Variants in PHF2 observed in about 807,000 individuals in gnomAD.
The protein encoded by PHF2 is PHD finger protein 2, also known as lysine-specific demethylase PHF2.
In PHF2, 27 loss-of-function variants were observed where a neutral mutation model predicts 120.5. The observed-to-expected ratio is 0.22, with a 90% CI of 0.17 to 0.31. The LOEUF is 0.31. Ranked by LOEUF, PHF2 falls within the 10% of genes least tolerant of loss-of-function variation. The probability of loss-of-function intolerance (pLI) is 1.00; values close to 1 mark genes in which losing one functional copy is unlikely to be tolerated. For synonymous variants in PHF2, 568 were observed against 592.5 expected (o/e 0.96, Z 0.60); for missense variants, 1,024 against 1,434.8 (o/e 0.71, Z 4.63).
chr9:93,646,236 G>A (rs1159776455), intron 4 of PHF2, among the ~76,000 whole-genome samples: 1 of 152,256 alleles, frequency 6.6e-6, no homozygotes, highest in East Asian at 1.9e-4. Flanking sequence ...CTGGGTTCTA[G>A]CCAGTGCCAT....
At chr9:93,625,139 C>G (rs1321545863) in intron 1 of PHF2, among the ~76,000 whole-genome samples, 3 of 152,202 alleles carry the variant, frequency 2.0e-5, no homozygotes, top group African/African-American at 7.2e-5. Context: ...CCTCTCTCCT[C>G]CCACCCTCTG....
rs990872859 is a variant in PHF2, at chr9:93,665,973, A to G, written c.2117-17A>G. 5 of 1,613,228 alleles carry G rather than the reference A, an allele frequency of 3.1e-6. No individual in the cohort carries two copies. The highest frequency in any genetic ancestry group is 3.3e-5 in the Admixed American group (2 of 60,014). Reference sequence around the variant, plus strand: ...CCGCAAGGCCTCCCGCTGGACTGCCATCTGCTGTGCTTTCAGTCTTGTTGG... The same window carrying G: ...CCGCAAGGCCTCCCGCTGGACTGCCGTCTGCTGTGCTTTCAGTCTTGTTGG... On this transcript the variant is annotated splice_polypyrimidine_tract_variant and intron_variant, in intron 15 of 21. Coordinates refer to ENST00000359246, the MANE Select transcript of PHF2 (RefSeq NM_005392.4).
rs1005320024 is a variant in PHF2 at position 93,666,080 on chromosome 9, C to T, written c.2187+20C>T. On this transcript the variant is annotated intron_variant, in intron 16 of 21. Transcript: ENST00000359246. ...TACAAGGTGAGCTGCCTTACAGGCC[C>T]CCCTCAGTCTCGGGGGGCATCTCTG... The T allele has an allele frequency of 3.1e-6, 5 of 1,607,918 alleles. No individual in the cohort carries two copies. The highest frequency in any genetic ancestry group is 4.3e-6 in the Non-Finnish European group (5 of 1,175,556).
At chr9:93,646,491 A>G (rs1434108992) in intron 4 of PHF2, among the ~76,000 whole-genome samples, 2 of 152,228 alleles carry the variant, frequency 1.3e-5, no homozygotes, top group African/African-American at 4.8e-5. Flanking sequence ...ACGAGGAGGA[A>G]AAACCCTGAA....
chr9:93,667,972 G>T (rs1826713684), intron 17 of PHF2, among the ~76,000 whole-genome samples: 1 of 152,230 alleles, frequency 6.6e-6, no homozygotes, highest in Admixed American at 6.5e-5. Context: ...CCAGGGCCAT[G>T]CTGCTAGCTG....
chr9:93,616,728 T>C (rs566293348), intron 1 of PHF2, among the ~76,000 whole-genome samples: 1 of 151,984 alleles, frequency 6.6e-6, no homozygotes, highest in South Asian at 2.1e-4. Context: ...CAATCTCGGC[T>C]CACCGCAACC....
chr9:93,585,456 C>T (rs776066272), intron 1 of PHF2, among the ~76,000 whole-genome samples: 14 of 152,252 alleles, frequency 9.2e-5, no homozygotes, highest in East Asian at 1.9e-4. Flanking sequence ...CAGTGCCAGC[C>T]GCTCTGTGTG....
Position 93,677,089 on chromosome 9 carries a change from G to A in PHF2, c.3202+126G>A. 2.8e-6 allele frequency: 3 copies of A among 1,057,346 alleles called. No homozygotes were observed. Among genetic ancestry groups the A allele is most frequent in the South Asian group, 3.6e-5 (2 of 54,830 alleles). The allele number at this position is 1,057,346 out of a possible 1,614,324, so 65.5% of individuals were successfully genotyped here. On this transcript the variant is annotated intron_variant, in intron 21 of 21. Transcript: ENST00000359246. The surrounding 1 kb of genome is among the most constrained non-coding windows in gnomAD (Gnocchi z 4.4). ...TTGGGAGGGCTCCTGGGCCTTGGGT[G>A]GCAGGGTGCTGTGGTCCAAGTTGGT...
At chr9:93,670,148 A>G (rs148702893) in intron 17 of PHF2, among the ~76,000 whole-genome samples, 1 of 152,198 alleles carries the variant, frequency 6.6e-6, no homozygotes. Context: ...AGTGATGCTG[A>G]TGCAAGAGTC....
In PHF2 at chr9:93,656,619, G is replaced by C. The variant is rs1004065143; in HGVS notation, c.1147+24G>C. 3 of 1,542,068 alleles carry C rather than the reference G, an allele frequency of 1.9e-6. No individual in the cohort carries two copies. The Admixed American group carries it at 5.0e-5, about 26-fold the overall frequency. On this transcript the variant is annotated intron_variant, in intron 9 of 21. Transcript: ENST00000359246. The surrounding 1 kb of genome is among the most constrained non-coding windows in gnomAD (Gnocchi z 4.1). The stretch of plus-strand genomic sequence containing the variant: ...AGGTACTGGTCACTCCGGGGTGGGC[G>C]TCCAAGCCTGGGGCTCTTGGCTGTG...
At chr9:93,599,169 A>G (rs1407715741) in intron 1 of PHF2, among the ~76,000 whole-genome samples, 2 of 152,194 alleles carry the variant, frequency 1.3e-5, no homozygotes, top group Non-Finnish European at 1.5e-5. Flanking sequence ...GGCCTATTGC[A>G]TGCACCTGCA....
intron 2 of PHF2, among the ~76,000 whole-genome samples, chr9:93,631,258 T>C (rs1825997819): frequency 6.6e-6 from 1 of 152,218 alleles, no homozygotes; most frequent in Non-Finnish European, 1.5e-5. Context: ...TCCCAAGGCC[T>C]GAATGCTTTT....
In PHF2 at chr9:93,674,978, C is replaced by G; in HGVS notation, c.2678C>G (p.Ser893Trp). The change falls in exon 19 of 22, where the codon TCG (serine) becomes TGG (tryptophan). Residue 893 changes from serine (S) to tryptophan (W), a missense_variant. By Grantham distance (177) the Ser-to-Trp change is radical (BLOSUM62 -3). This residue lies in a region of PHF2 where 677 missense variants were observed against 857.4 expected (regional missense o/e 0.79). Coordinates refer to ENST00000359246, the MANE Select transcript of PHF2 (RefSeq NM_005392.4). ...DEDNPIFKSR[S>W]KKRKGSDDAP... ...GACAACCCCATCTTTAAGTCCCGGTCGAAGAAAAGGAAAGGCTCAGACGAC... is the reference window on the plus strand; with the variant it reads ...GACAACCCCATCTTTAAGTCCCGGTGGAAGAAAAGGAAAGGCTCAGACGAC... 1 of 1,613,856 alleles carries G rather than the reference C, an allele frequency of 6.2e-7. No homozygotes were observed. The highest frequency in any genetic ancestry group is 8.5e-7 in the Non-Finnish European group (1 of 1,179,972).
chr9:93,580,328 T>C (rs970764364), intron 1 of PHF2, among the ~76,000 whole-genome samples: 2 of 152,182 alleles, frequency 1.3e-5, no homozygotes, highest in Non-Finnish European at 2.9e-5. Flanking sequence ...CGGAGGTGTC[T>C]TGTCTGCCTC....
At chr9:93,648,429 C>G (rs549303006) in intron 4 of PHF2, among the ~76,000 whole-genome samples, 1 of 152,192 alleles carries the variant, frequency 6.6e-6, no homozygotes, top group Non-Finnish European at 1.5e-5. Flanking sequence ...CCAGTGGCCC[C>G]GGCATCCACC....
intron 10 of PHF2, among the ~76,000 whole-genome samples, chr9:93,658,705 G>T (rs1157415983): frequency 6.6e-6 from 1 of 152,094 alleles, no homozygotes; most frequent in Admixed American, 6.5e-5. Flanking sequence ...GGGACACCCT[G>T]TCGGCTCCTC....
At chr9:93,637,015 G>A (rs1826104807) in intron 3 of PHF2, among the ~76,000 whole-genome samples, 1 of 152,256 alleles carries the variant, frequency 6.6e-6, no homozygotes, top group African/African-American at 2.4e-5. Context: ...GCGGCTCCTG[G>A]TGAGAAAGGA....
intron 1 of PHF2, among the ~76,000 whole-genome samples, chr9:93,617,058 G>A (rs571935058): frequency 6.6e-6 from 1 of 152,340 alleles, no homozygotes; most frequent in South Asian, 2.1e-4. Flanking sequence ...ATCCGGTTGT[G>A]CTGTTCGGGA....
At chr9:93,597,177 C>T (rs1219467420) in intron 1 of PHF2, among the ~76,000 whole-genome samples, 3 of 152,144 alleles carry the variant, frequency 2.0e-5, no homozygotes. Flanking sequence ...GGTCCGCCTG[C>T]CTCAGCCTCC....
Sources: gnomAD v4.1 joint callset for allele counts (sites outside exome capture counted in the v4.1 genomes callset) on GRCh38, gnomAD v4.1.1 for gene constraint, gnomAD v4.1.1 regional missense constraint, Gnocchi (gnomAD v3.1) non-coding constraint, MANE v1.5 for transcripts, NCBI Gene and HGNC (gene_info 2026-07-23, HGNC 2026-07-21) for gene names.